Variants in ENG observed in about 807,000 individuals in gnomAD.
ENG encodes the protein CD105 antigen.
A neutral mutation model predicts 71.0 loss-of-function variants in ENG; 17 were observed. The ratio of observed to expected loss-of-function variants is 0.24; its 90% CI spans 0.16 to 0.36. The LOEUF is 0.36. Ranked by LOEUF, ENG falls within the 10% of genes least tolerant of loss-of-function variation. The pLI, the probability that ENG is intolerant of heterozygous loss-of-function variation, is 1.00. For synonymous variants in ENG, 360 were observed against 366.9 expected (o/e 0.98, Z 0.21); for missense variants, 749 against 868.3 (o/e 0.86, Z 1.73).
chr9:127,845,578 T>C (rs1423063889), intron 1 of ENG, among the ~76,000 whole-genome samples: 1 of 152,240 alleles, frequency 6.6e-6, no homozygotes, highest in Admixed American at 6.5e-5. Flanking sequence ...GCTATGTGGC[T>C]CTGGTGAATG....
intron 2 of ENG, among the ~76,000 whole-genome samples, chr9:127,835,761 G>C (rs954911103): frequency 2.0e-5 from 3 of 152,074 alleles, no homozygotes; most frequent in African/African-American, 7.2e-5. Context: ...GTTGGGCTAT[G>C]GATAAAGGAA....
intron 2 of ENG, among the ~76,000 whole-genome samples, chr9:127,835,650 C>CCCA (rs1385954705): frequency 6.6e-6 from 1 of 152,178 alleles, no homozygotes; most frequent in Non-Finnish European, 1.5e-5. Context: ...GCCCCATGGC[C>CCCA]ATCCAGTCCT....
chr9:127,825,952 G>T, intron 4 of ENG, 92 bp from the exon 5 acceptor site: 1 of 1,508,644 alleles, frequency 6.6e-7, no homozygotes, highest in Non-Finnish European at 9.0e-7. Flanking sequence ...TAGTGGTGGG[G>T]CAGGCAGGAC....
chr9:127,829,061 G>A (rs1437340543), intron 3 of ENG, among the ~76,000 whole-genome samples: 1 of 152,150 alleles, frequency 6.6e-6, no homozygotes, highest in African/African-American at 2.4e-5. Flanking sequence ...GGTGGATATA[G>A]CTAACACTTT....
At chr9:127,822,270 A>G (rs780884445) in intron 8 of ENG, 7 of 152,212 alleles carry the variant, frequency 4.6e-5, no homozygotes, top group Non-Finnish European at 8.8e-5. Flanking sequence ...AATTACAACT[A>G]AAACAAGAAT....
chr9:127,851,666 G>A (rs968693858), intron 1 of ENG, among the ~76,000 whole-genome samples: 1 of 152,006 alleles, frequency 6.6e-6, no homozygotes, highest in Non-Finnish European at 1.5e-5. Context: ...GTATCACGAG[G>A]TCAAGAGTTC....
intron 2 of ENG, among the ~76,000 whole-genome samples, chr9:127,835,774 GA>G (rs201896712): frequency 6.6e-6 from 1 of 151,738 alleles, no homozygotes. Flanking sequence ...TAAAGGAAGT[GA>G]AAAAAAAGGG....
intron 12 of ENG, 117 bp downstream of exon 12, chr9:127,817,985 CAGGCCACATGCCTGATTA>C (rs1447740075): frequency 3.9e-5 from 56 of 1,449,108 alleles, no homozygotes; most frequent in Non-Finnish European, 4.9e-5. Context: ...GCCAGACTGC[CAGGCCACATGCCTGATTA>C]AGGCTCCGCC....
At chr9:127,844,793 T>A (rs930665959) in intron 1 of ENG, among the ~76,000 whole-genome samples, 23 of 152,132 alleles carry the variant, frequency 1.5e-4, no homozygotes, top group African/African-American at 4.8e-4. Context: ...AACCCAAGTC[T>A]CCCTCCAGGT....
chr9:127,820,516 T>G (rs887191768), intron 8 of ENG, among the ~76,000 whole-genome samples: 1 of 150,776 alleles, frequency 6.6e-6, no homozygotes, highest in Admixed American at 6.6e-5. Flanking sequence ...TCTATCAAAA[T>G]AAATACAGAA....
At chr9:127,852,718 G>A (rs1390679163) in intron 1 of ENG, among the ~76,000 whole-genome samples, 1 of 152,036 alleles carries the variant, frequency 6.6e-6, no homozygotes, top group Non-Finnish European at 1.5e-5. Flanking sequence ...GGTGCTACCG[G>A]GCACTGATTC....
Position 127,843,082 on chromosome 9 carries a change from T to C in ENG, c.219+12A>G. 3.7e-6 allele frequency: 6 copies of C among 1,613,872 alleles called. No homozygotes were observed. The highest frequency in any genetic ancestry group is 1.1e-5 in the South Asian group (1 of 91,066). On this transcript the variant is annotated intron_variant, in intron 2 of 14. Coordinates refer to ENST00000373203, the MANE Select transcript of ENG (RefSeq NM_001114753.3). ...TCTGAGCCCCCACCCGACCCTGCCA[T>C]GGGACACTCACCGTTGGGAACTCCA...
intron 8 of ENG, among the ~76,000 whole-genome samples, chr9:127,820,557 G>A (rs180953539): frequency 2.0e-5 from 3 of 151,316 alleles, no homozygotes; most frequent in Non-Finnish European, 2.9e-5. Context: ...GGCCGGGTAC[G>A]GTGGCTCACG....
chr9:127,842,414 ATTTTTATT>A (rs1377632414), intron 2 of ENG, among the ~76,000 whole-genome samples: 2 of 149,084 alleles, frequency 1.3e-5, no homozygotes, highest in African/African-American at 2.5e-5. Context: ...TTTTTATTTT[ATTTTTATT>A]TTTTTATTTT....
intron 14 of ENG, 39 bp from the exon 15 acceptor site, chr9:127,815,845 C>T: frequency 6.5e-7 from 1 of 1,550,206 alleles, no homozygotes; most frequent in Non-Finnish European, 8.7e-7. Flanking sequence ...AGGTCAGGGT[C>T]CTGGCCAGGG....
In ENG at chr9:127,815,985, C is replaced by T; in HGVS notation, c.1810G>A (p.Ala604Thr). 6.2e-7 allele frequency: 1 copy of T among 1,607,908 alleles called. No homozygotes were observed. Reference protein sequence around the residue: ...GITFGAFLIGALLTAALWYIY... With the variant: ...GITFGAFLIGTLLTAALWYIY... ...TACCAGAGTGCAGCAGTGAGCAGGG[C>T]CCCGATGAGGAAGGCACCAAAGGTG... Residue 604 changes from alanine (A) to threonine (T), a missense_variant, in exon 14 of 15, where the codon GCC becomes ACC. Ala to Thr is a moderately conservative substitution (Grantham distance 58, BLOSUM62 0). Coordinates refer to ENST00000373203, the MANE Select transcript of ENG (RefSeq NM_001114753.3).
chr9:127,816,074 C>T, intron 13 of ENG, 21 bp from the exon 14 acceptor site: 2 of 1,603,804 alleles, frequency 1.2e-6, no homozygotes, highest in South Asian at 1.1e-5. Context: ...CCGACGCCAT[C>T]AGCACTGCCA....
intron 2 of ENG, among the ~76,000 whole-genome samples, chr9:127,834,910 AG>A (rs1830860521): frequency 6.6e-6 from 1 of 151,764 alleles, no homozygotes; most frequent in African/African-American, 2.4e-5. Flanking sequence ...TGTTTGTATA[AG>A]TTCATGTTTT....
chr9:127,850,822 G>A (rs1831266473), intron 1 of ENG, among the ~76,000 whole-genome samples: 1 of 152,212 alleles, frequency 6.6e-6, no homozygotes. Context: ...TACAGGAAAA[G>A]GTGCACGTAC....
Sources: allele counts gnomAD v4.1 joint callset (sites outside exome capture counted in the v4.1 genomes callset), GRCh38; gene constraint gnomAD v4.1.1; transcripts MANE v1.5; gene names NCBI Gene and HGNC (gene_info 2026-07-23, HGNC 2026-07-21).